CEP128: variants seen among roughly 807,000 people sequenced by gnomAD.
The protein encoded by CEP128 is centrosomal protein 128, also known as centrosomal protein 128kDa.
CEP128 carries 132 observed loss-of-function variants against 156.7 expected under a neutral mutation model. The ratio of observed to expected loss-of-function variants is 0.84; its 90% CI spans 0.73 to 0.97. The LOEUF is 0.97. Among genes scored for constraint, CEP128 ranks in the 50% least tolerant of loss-of-function variants. The pLI is 0.00. For missense variants in CEP128, 1,252 were observed against 1,281.9 expected, an observed-to-expected ratio of 0.98 and a Z score of 0.36; for synonymous variants, 469 against 448.9, an observed-to-expected ratio of 1.04 and a Z score of -0.57.
At chr14:80,618,904 G>A (rs559848464) in intron 19 of CEP128, among the ~76,000 whole-genome samples, 11 of 152,284 alleles carry the variant, frequency 7.2e-5, no homozygotes, top group South Asian at 2.1e-4. Context: ...GCTACTGGTC[G>A]ATAAACCAAA....
chr14:80,905,602 T>C (rs796659806), intron 5 of CEP128: 2 of 192,572 alleles, frequency 1.0e-5, no homozygotes, highest in South Asian at 2.0e-4. Context: ...GGGTATTTCA[T>C]AAAACATGTG....
downstream of CEP128, among the ~76,000 whole-genome samples, chr14:80,493,157 C>T (rs1306331454): frequency 1.3e-5 from 2 of 152,210 alleles, no homozygotes; most frequent in East Asian, 3.9e-4. Context: ...TCCTATGGGG[C>T]TACAAAAGAT....
At chr14:80,690,736 T>TC (rs953617668) in intron 19 of CEP128, among the ~76,000 whole-genome samples, 5 of 152,178 alleles carry the variant, frequency 3.3e-5, no homozygotes, top group African/African-American at 7.2e-5. Context: ...CTTAGTGGCT[T>TC]CCCCACTCCC....
intron 19 of CEP128, among the ~76,000 whole-genome samples, chr14:80,647,017 G>A (rs545041795): frequency 0.28 from 22,258 of 80,812 alleles, 4,811 homozygotes; most frequent in Non-Finnish European, 0.39. Context: ...ATATATGTGT[G>A]TGTATATATA....
chr14:80,546,439 A>T (rs1889989152), intron 21 of CEP128, among the ~76,000 whole-genome samples: 1 of 152,214 alleles, frequency 6.6e-6, no homozygotes, highest in Non-Finnish European at 1.5e-5. Context: ...CACTTCTGGA[A>T]CAAACGTACT....
chr14:80,882,526 C>G (rs1367398544), intron 8 of CEP128, among the ~76,000 whole-genome samples: 1 of 152,098 alleles, frequency 6.6e-6, no homozygotes, highest in African/African-American at 2.4e-5. Flanking sequence ...CCTCAAAAAA[C>G]TAAAAACAGA....
At chr14:80,807,325 A>C (rs762314700) in intron 13 of CEP128, among the ~76,000 whole-genome samples, 21 of 152,230 alleles carry the variant, frequency 1.4e-4, no homozygotes, top group Non-Finnish European at 5.9e-5. Flanking sequence ...AGTAAAATTA[A>C]CTATTAAAGT....
At chr14:80,856,605 T>G (rs2140136704) in intron 9 of CEP128, among the ~76,000 whole-genome samples, 1 of 151,872 alleles carries the variant, frequency 6.6e-6, no homozygotes, top group East Asian at 1.9e-4. Context: ...ATCACACCAC[T>G]GCACTCCAGC....
intron 20 of CEP128, among the ~76,000 whole-genome samples, chr14:80,578,683 C>A (rs929125265): frequency 1.3e-5 from 2 of 152,132 alleles, no homozygotes; most frequent in Non-Finnish European, 2.9e-5. Context: ...TAGTATTCTT[C>A]AAACTATCAC....
intron 23 of CEP128, among the ~76,000 whole-genome samples, chr14:80,525,985 A>G (rs1456800316): frequency 1.1e-5 from 1 of 88,452 alleles, no homozygotes; most frequent in Non-Finnish European, 3.0e-5. Flanking sequence ...AAAAAGCCAG[A>G]AAACCTTTAG....
chr14:80,819,325 C>A (rs1376578649), intron 13 of CEP128, among the ~76,000 whole-genome samples: 1 of 145,088 alleles, frequency 6.9e-6, no homozygotes, highest in Non-Finnish European at 1.5e-5. Flanking sequence ...CGGCTCACTG[C>A]AACCTCCGTC....
intron 15 of CEP128, among the ~76,000 whole-genome samples, chr14:80,781,843 C>T (rs1320192032): frequency 6.6e-6 from 1 of 152,140 alleles, no homozygotes; most frequent in Non-Finnish European, 1.5e-5. Context: ...GAATTATGGC[C>T]TTACAGAGAT....
chr14:80,817,715 T>C (rs747003402), intron 13 of CEP128, among the ~76,000 whole-genome samples: 20 of 152,110 alleles, frequency 1.3e-4, no homozygotes, highest in Non-Finnish European at 2.5e-4. Flanking sequence ...ACCCCATCTC[T>C]ACTAAAATAC....
chr14:80,504,986 C>A lies in CEP128; in HGVS notation c.3107G>T (p.Arg1036Leu), dbSNP rs150831081. The A allele has an allele frequency of 6.2e-7, 1 of 1,600,542 alleles. No homozygotes were observed. Among genetic ancestry groups the A allele is most frequent in the South Asian group, 1.1e-5 (1 of 88,154 alleles). Reference protein sequence around the residue: ...DRTFLEGSHTRGLDHSSSWQD... With the variant: ...DRTFLEGSHTLGLDHSSSWQD... Reference sequence around the variant, plus strand: ...CCAAGAGGATGAGTGATCTAACCCACGAGTGTGGGAACCTTCCAGAAAGGT... The same window carrying A: ...CCAAGAGGATGAGTGATCTAACCCAAGAGTGTGGGAACCTTCCAGAAAGGT... Residue 1036 changes from arginine (R) to leucine (L), a missense_variant, in exon 24 of 25, where the codon CGT becomes CTT. By Grantham distance (102) the Arg-to-Leu change is moderately radical (BLOSUM62 -2). Transcript: ENST00000555265.
At chr14:80,678,233 A>T (rs1001045483) in intron 19 of CEP128, among the ~76,000 whole-genome samples, 8 of 151,722 alleles carry the variant, frequency 5.3e-5, no homozygotes, top group Non-Finnish European at 1.0e-4. Flanking sequence ...CTTTTTTCTT[A>T]CATGTAGCCA....
chr14:80,593,582 C>G (rs1368079526), intron 19 of CEP128, among the ~76,000 whole-genome samples: 1 of 151,144 alleles, frequency 6.6e-6, no homozygotes, highest in Non-Finnish European at 1.5e-5. Context: ...CCCATCTTCT[C>G]AGCCCCAAAT....
chr14:80,545,370 A>T (rs1255804179), intron 21 of CEP128, among the ~76,000 whole-genome samples: 1 of 152,206 alleles, frequency 6.6e-6, no homozygotes, highest in Admixed American at 6.5e-5. Flanking sequence ...GCCAGTTTAC[A>T]TAATCTTAAT....
intron 19 of CEP128, among the ~76,000 whole-genome samples, chr14:80,700,964 G>A (rs1897055190): frequency 6.6e-6 from 1 of 152,150 alleles, no homozygotes; most frequent in Non-Finnish European, 1.5e-5. Context: ...TCTCAAAGGA[G>A]GGCAGGGAAG....
At chr14:80,605,398 T>C (rs911780998) in intron 19 of CEP128, among the ~76,000 whole-genome samples, 6 of 152,098 alleles carry the variant, frequency 3.9e-5, no homozygotes, top group African/African-American at 1.4e-4. Context: ...TTATAGATAA[T>C]AAAGACATGT....
Sources: allele counts gnomAD v4.1 joint callset (sites outside exome capture counted in the v4.1 genomes callset), GRCh38; gene constraint gnomAD v4.1.1; transcripts MANE v1.5; gene names NCBI Gene and HGNC (gene_info 2026-07-23, HGNC 2026-07-21).